CTNNA3: variants seen among roughly 807,000 people sequenced by gnomAD.
CTNNA3 encodes catenin alpha-3.
CTNNA3 carries 76 observed loss-of-function variants against 95.7 expected under a neutral mutation model. The observed-to-expected ratio is 0.79, with a 90% confidence interval of 0.66 to 0.96. CTNNA3 has a LOEUF of 0.96. Among genes scored for constraint, CTNNA3 ranks in the 40% least tolerant of loss-of-function variants. The pLI is 0.00. For synonymous variants in CTNNA3, 431 were observed against 374.4 expected, an observed-to-expected ratio of 1.15 and a Z score of -1.74; for missense variants, 1,191 against 1,089.8, an observed-to-expected ratio of 1.09 and a Z score of -1.31.
At chr10:66,063,000 T>A (rs12356900) in intron 15 of CTNNA3, among the ~76,000 whole-genome samples, 35,540 of 151,746 alleles carry the variant, frequency 0.23, 4,206 homozygotes, top group Admixed American at 0.26. Context: ...GAGGGAGACA[T>A]GTACAGAGCA....
At chr10:66,359,473 C>T (rs574967143) in intron 12 of CTNNA3, among the ~76,000 whole-genome samples, 2 of 152,166 alleles carry the variant, frequency 1.3e-5, no homozygotes, top group South Asian at 4.2e-4. Flanking sequence ...TTAATATTCT[C>T]CTACAATTAT....
At chr10:67,417,066 T>A (rs1350611323) in intron 5 of CTNNA3, among the ~76,000 whole-genome samples, 2 of 151,976 alleles carry the variant, frequency 1.3e-5, no homozygotes, top group Non-Finnish European at 2.9e-5. Flanking sequence ...AATGGTAGAT[T>A]GGATAAAGAA....
chr10:67,509,962 A>T (rs1299409853), intron 5 of CTNNA3, among the ~76,000 whole-genome samples: 1 of 152,040 alleles, frequency 6.6e-6, no homozygotes, highest in Non-Finnish European at 1.5e-5. Context: ...GCATTTTTTC[A>T]TGTGTCTGTT....
At chr10:66,884,763 G>A (rs894080491) in intron 7 of CTNNA3, among the ~76,000 whole-genome samples, 2 of 152,096 alleles carry the variant, frequency 1.3e-5, no homozygotes, top group African/African-American at 4.8e-5. Flanking sequence ...ATACAGAGGG[G>A]CAAGAAACAG....
chr10:66,147,025 T>C (rs573463290), intron 13 of CTNNA3, among the ~76,000 whole-genome samples: 43 of 152,322 alleles, frequency 2.8e-4, no homozygotes, highest in African/African-American at 9.9e-4. Flanking sequence ...ACCTTCTAAA[T>C]TGCTCTTGAA....
intron 6 of CTNNA3, among the ~76,000 whole-genome samples, chr10:67,211,086 C>A (rs1864120743): frequency 6.6e-6 from 1 of 152,058 alleles, no homozygotes; most frequent in Non-Finnish European, 1.5e-5. Context: ...GGATTGGAGG[C>A]TTTTTATTTT....
chr10:67,555,787 C>G (rs1841218801), intron 3 of CTNNA3, among the ~76,000 whole-genome samples: 1 of 152,280 alleles, frequency 6.6e-6, no homozygotes. Context: ...ACTTCCAACA[C>G]TATGTTGAAA....
intron 10 of CTNNA3, among the ~76,000 whole-genome samples, chr10:66,578,857 A>G (rs554337749): frequency 6.1e-4 from 93 of 151,552 alleles, no homozygotes; most frequent in Non-Finnish European, 1.1e-3. Flanking sequence ...CTGGCTTCAA[A>G]GAATAAGCTA....
chr10:66,958,836 G>A (rs1848971536), intron 7 of CTNNA3, among the ~76,000 whole-genome samples: 1 of 152,116 alleles, frequency 6.6e-6, no homozygotes, highest in Non-Finnish European at 1.5e-5. Context: ...TTAAAATGGG[G>A]AGAGCTAAGG....
At chr10:67,384,054 T>G (rs1012633729) in intron 5 of CTNNA3, among the ~76,000 whole-genome samples, 1 of 152,224 alleles carries the variant, frequency 6.6e-6, no homozygotes, top group Non-Finnish European at 1.5e-5. Context: ...TACACTAGCG[T>G]GAGAAACATT....
At chr10:67,333,246 C>A (rs1564573633) in intron 5 of CTNNA3, among the ~76,000 whole-genome samples, 1 of 152,110 alleles carries the variant, frequency 6.6e-6, no homozygotes, top group Non-Finnish European at 1.5e-5. Flanking sequence ...GATGACCAAA[C>A]AGAACTAAGA....
chr10:66,420,112 A>T (rs1351532989), intron 11 of CTNNA3, among the ~76,000 whole-genome samples: 1 of 152,194 alleles, frequency 6.6e-6, no homozygotes. Flanking sequence ...CCTGTATGGG[A>T]GAAAATACTT....
At chr10:67,361,233 A>C (rs558747688) in intron 5 of CTNNA3, among the ~76,000 whole-genome samples, 1 of 152,282 alleles carries the variant, frequency 6.6e-6, no homozygotes, top group South Asian at 2.1e-4. Context: ...CAGAACTCTA[A>C]CAAAGAAATT....
chr10:67,389,419 G>T (rs1415762273), intron 5 of CTNNA3, among the ~76,000 whole-genome samples: 1 of 151,040 alleles, frequency 6.6e-6, no homozygotes, highest in Non-Finnish European at 1.5e-5. Context: ...AGCAAGTCCT[G>T]AGTGACCTAC....
intron 15 of CTNNA3, among the ~76,000 whole-genome samples, chr10:66,007,704 T>TCCTCCCCCCCTCCCTCCCTC (rs2078916547): frequency 1.2e-5 from 1 of 86,280 alleles, no homozygotes; most frequent in African/African-American, 4.7e-5. Context: ...GGCTTTTAGA[T>TCCTCCCCCCCTCCCTCCCTC]CCTCCCTCCC....
chr10:66,702,312 GA>G (rs909108132), intron 9 of CTNNA3, among the ~76,000 whole-genome samples: 23 of 148,044 alleles, frequency 1.6e-4, no homozygotes, highest in Non-Finnish European at 2.4e-4. Flanking sequence ...TTAGGTGAGA[GA>G]AAAAAAAAAT....
At chr10:67,466,773 G>A (rs186094821) in intron 5 of CTNNA3, among the ~76,000 whole-genome samples, 1 of 152,272 alleles carries the variant, frequency 6.6e-6, no homozygotes, top group East Asian at 1.9e-4. Flanking sequence ...ATGACAAACA[G>A]TTGTTTGTCT....
chr10:66,945,573 T>C (rs1484052225), intron 7 of CTNNA3, among the ~76,000 whole-genome samples: 1 of 152,224 alleles, frequency 6.6e-6, no homozygotes, highest in Non-Finnish European at 1.5e-5. Flanking sequence ...TTATCATTCA[T>C]GTGTTCACTG....
chr10:67,018,228 C>T (rs1172458668), intron 7 of CTNNA3, among the ~76,000 whole-genome samples: 2 of 152,084 alleles, frequency 1.3e-5, no homozygotes, highest in African/African-American at 4.8e-5. Context: ...TTTATTTTTA[C>T]TTAAAATGAG....
Sources: allele counts gnomAD v4.1 joint callset (sites outside exome capture counted in the v4.1 genomes callset), GRCh38; gene constraint gnomAD v4.1.1; transcripts MANE v1.5; gene names NCBI Gene and HGNC (gene_info 2026-07-23, HGNC 2026-07-21).